Variants in PTPN14 observed in about 807,000 individuals in gnomAD.
PTPN14 encodes the protein protein tyrosine phosphatase non-receptor type 14.
In PTPN14, 53 loss-of-function variants were observed where a neutral mutation model predicts 126.8. That is an observed-to-expected ratio of 0.42 (90% CI 0.34 to 0.53). PTPN14 has a LOEUF of 0.53. Among genes scored for constraint, PTPN14 ranks in the 20% least tolerant of loss-of-function variants. The pLI is 0.08. For missense variants in PTPN14, 1,257 were observed against 1,552.9 expected (o/e 0.81, Z 3.20); for synonymous variants, 630 against 599.3 (o/e 1.05, Z -0.75).
chr1:214,502,268 G>A (rs1195544079), intron 1 of PTPN14, among the ~76,000 whole-genome samples: 4 of 151,932 alleles, frequency 2.6e-5, no homozygotes, highest in Non-Finnish European at 5.9e-5. Context: ...ATGGCGGTAG[G>A]GTCATTTTGA....
intron 2 of PTPN14, among the ~76,000 whole-genome samples, chr1:214,456,404 T>C (rs564821485): frequency 6.6e-6 from 1 of 152,298 alleles, no homozygotes; most frequent in East Asian, 1.9e-4. Flanking sequence ...GACTCTGAAA[T>C]AGCACTTCAT....
chr1:214,483,885 G>T (rs1054589813), intron 1 of PTPN14, among the ~76,000 whole-genome samples: 2 of 152,082 alleles, frequency 1.3e-5, no homozygotes, highest in Non-Finnish European at 1.5e-5. Flanking sequence ...TTATTTAACA[G>T]AAAACACAGA....
chr1:214,452,862 G>A (rs1242854382), intron 2 of PTPN14, among the ~76,000 whole-genome samples: 1 of 152,124 alleles, frequency 6.6e-6, no homozygotes, highest in Non-Finnish European at 1.5e-5. Context: ...GCCTAGAATG[G>A]TTTACAGCAC....
chr1:214,486,219 C>T (rs1571614884), intron 1 of PTPN14, among the ~76,000 whole-genome samples: 1 of 152,288 alleles, frequency 6.6e-6, no homozygotes, highest in South Asian at 2.1e-4. Context: ...GGAGCACTTC[C>T]TCCATACTAA....
Position 214,364,717 on chromosome 1 carries a change from G to A in PTPN14, c.3272-42C>T. ...AAATTCTGTCACCAAAGTCCTCCAT[G>A]GCTTCGCATGTAAGTTGGGGAGGGG... On this transcript the variant is annotated intron_variant, in intron 17 of 18. Transcript: ENST00000366956. The surrounding 1 kb of genome is among the most constrained non-coding windows in gnomAD (Gnocchi z 4.1). 1.9e-6 allele frequency: 3 copies of A among 1,587,354 alleles called. No individual in the cohort carries two copies. Among genetic ancestry groups the A allele is most frequent in the Non-Finnish European group, 2.6e-6 (3 of 1,165,744 alleles).
At chr1:214,532,255 C>A in intron 1 of PTPN14, 2 of 432,846 alleles carry the variant, frequency 4.6e-6, no homozygotes, top group Admixed American at 2.8e-5. Context: ...CTCTGTCCAG[C>A]CGCCCAGCTG....
At chr1:214,473,592 A>G (rs561006199) in intron 1 of PTPN14, among the ~76,000 whole-genome samples, 1 of 152,302 alleles carries the variant, frequency 6.6e-6, no homozygotes, top group Admixed American at 6.5e-5. Flanking sequence ...TCACAGAGCT[A>G]TGTAATCTTG....
At chr1:214,514,924 T>C (rs142824308) in intron 1 of PTPN14, among the ~76,000 whole-genome samples, 80 of 152,326 alleles carry the variant, frequency 5.3e-4, no homozygotes, top group Admixed American at 3.9e-3. Flanking sequence ...ACAAGTCACA[T>C]ACTAAGCAGA....
chr1:214,492,140 A>G (rs926996064), intron 1 of PTPN14, among the ~76,000 whole-genome samples: 3 of 152,138 alleles, frequency 2.0e-5, no homozygotes, highest in Middle Eastern at 3.2e-3. Context: ...TTTAATGAAG[A>G]CACATTTACT....
Position 214,521,413 on chromosome 1 carries a change from A to G in PTPN14, c.-155+29770T>C, listed in dbSNP as rs536190568. Among the ~76,000 whole-genome samples, 5 of 152,354 alleles carry G rather than the reference A, an allele frequency of 3.3e-5. No homozygotes were observed. The East Asian group carries it at 9.7e-4, about 29-fold the overall frequency. On this transcript the variant is annotated intron_variant, in intron 1 of 18. Coordinates refer to ENST00000366956, the MANE Select transcript of PTPN14 (RefSeq NM_005401.5). ...ATAAATACTAAATGTGACAGTATAA[A>G]CAGAAACAAGAAAGAACGGCCAGGC...
chr1:214,449,024 T>TTTTTTTTTTTTTTTTTGAA, intron 3 of PTPN14, among the ~76,000 whole-genome samples: 1 of 141,834 alleles, frequency 7.1e-6, no homozygotes, highest in Non-Finnish European at 1.5e-5. Context: ...TTTTTTTTTT[T>TTTTTTTTTTTTTTTTTGAA]GAGACGGAGT....
chr1:214,460,554 C>CACACAG (rs1491034104), intron 2 of PTPN14, among the ~76,000 whole-genome samples: 1 of 149,732 alleles, frequency 6.7e-6, no homozygotes. Context: ...CACACACACA[C>CACACAG]AGATCAGTGC....
Position 214,522,752 on chromosome 1 carries a change from C to A in PTPN14, c.-155+28431G>T, listed in dbSNP as rs577175035. ...GACCACCAGAGGGCAAAAGTAAAGACCGCAAGCAGTAAAAGCTTTACTTAT... is the reference window on the plus strand; with the variant it reads ...GACCACCAGAGGGCAAAAGTAAAGAACGCAAGCAGTAAAAGCTTTACTTAT... On this transcript the variant is annotated intron_variant, in intron 1 of 18. Transcript: ENST00000366956. Among the ~76,000 whole-genome samples, 3 of 152,234 alleles carry A rather than the reference C, an allele frequency of 2.0e-5. No homozygotes were observed. The East Asian group carries it at 5.8e-4, about 29-fold the overall frequency.
At chr1:214,358,167 G>C in intron 18 of PTPN14, 117 bp from the exon 19 acceptor site, 1 of 1,267,746 alleles carries the variant, frequency 7.9e-7, no homozygotes. Context: ...ACAAGAGAAG[G>C]CAAGGGACTC....
At chr1:214,487,400 C>A (rs1285840393) in intron 1 of PTPN14, among the ~76,000 whole-genome samples, 1 of 152,040 alleles carries the variant, frequency 6.6e-6, no homozygotes, top group Non-Finnish European at 1.5e-5. Flanking sequence ...CTGAGGTGGG[C>A]AGATCAGCTG....
intron 3 of PTPN14, among the ~76,000 whole-genome samples, chr1:214,437,459 T>C (rs1214790862): frequency 6.6e-6 from 1 of 152,186 alleles, no homozygotes; most frequent in East Asian, 1.9e-4. Flanking sequence ...CACAAAAGGC[T>C]AAATTCTTAT....
intron 3 of PTPN14, among the ~76,000 whole-genome samples, chr1:214,449,228 G>C (rs1024118736): frequency 6.6e-6 from 1 of 151,674 alleles, no homozygotes; most frequent in East Asian, 1.9e-4. Flanking sequence ...GGATGGTCTC[G>C]ATCTCCTGAC....
intron 3 of PTPN14, among the ~76,000 whole-genome samples, chr1:214,433,952 A>ACACACACACACAC (rs1491336637): frequency 4.4e-4 from 4 of 9,162 alleles, no homozygotes; most frequent in Admixed American, 1.4e-3. Flanking sequence ...ACACACACAC[A>ACACACACACACAC]AAAAAAAAAA....
chr1:214,374,292 G>A (rs964782233), intron 15 of PTPN14, among the ~76,000 whole-genome samples: 1 of 152,190 alleles, frequency 6.6e-6, no homozygotes, highest in Non-Finnish European at 1.5e-5. Context: ...GGCATGTTTA[G>A]GTCAAAGCTG....
Sources: gnomAD v4.1 joint callset for allele counts (sites outside exome capture counted in the v4.1 genomes callset) on GRCh38, gnomAD v4.1.1 for gene constraint, Gnocchi (gnomAD v3.1) non-coding constraint, MANE v1.5 for transcripts, NCBI Gene and HGNC (gene_info 2026-07-23, HGNC 2026-07-21) for gene names.